The following LRRC4C variants were observed in gnomAD, a reference collection of about 807,000 sequenced individuals.
The protein encoded by LRRC4C is leucine rich repeat containing 4C, also known as leucine-rich repeat-containing protein 4C.
LRRC4C carries 5 observed loss-of-function variants against 33.6 expected under a neutral mutation model. That is an observed-to-expected ratio of 0.15 (90% CI 0.08 to 0.31). The LOEUF is 0.31. Ranked by LOEUF, LRRC4C falls within the 10% of genes least tolerant of loss-of-function variation. LRRC4C has a pLI of 1.00. For synonymous variants in LRRC4C, 329 were observed against 302.0 expected (o/e 1.09, Z -0.93); for missense variants, 560 against 796.7 (o/e 0.70, Z 3.58).
intron 5 of LRRC4C, among the ~76,000 whole-genome samples, chr11:40,161,278 G>A (rs925773676): frequency 6.6e-6 from 1 of 152,108 alleles, no homozygotes; most frequent in African/African-American, 2.4e-5. Context: ...TTTACATTTT[G>A]TTAATGATTG....
intron 2 of LRRC4C, among the ~76,000 whole-genome samples, chr11:40,656,583 C>A (rs1177697495): frequency 6.6e-6 from 1 of 151,852 alleles, no homozygotes; most frequent in Non-Finnish European, 1.5e-5. Flanking sequence ...TTGTTTAAGG[C>A]CTTCACGCTC....
At chr11:41,218,139 CAAAA>C (rs57736277) in intron 1 of LRRC4C, among the ~76,000 whole-genome samples, 1 of 142,724 alleles carries the variant, frequency 7.0e-6, no homozygotes. Flanking sequence ...TCAAGGTCAC[CAAAA>C]AAAAAAAAAA....
At chr11:41,413,829 T>G (rs12288546) in intron 1 of LRRC4C, among the ~76,000 whole-genome samples, 12,001 of 152,230 alleles carry the variant, frequency 0.079, 1,563 homozygotes, top group African/African-American at 0.27. Context: ...AAACAATGTT[T>G]TTTGACAACT....
At chr11:40,212,925 G>A (rs1441873746) in intron 5 of LRRC4C, among the ~76,000 whole-genome samples, 6 of 152,060 alleles carry the variant, frequency 3.9e-5, no homozygotes, top group Non-Finnish European at 5.9e-5. Flanking sequence ...TGGCTGAGTT[G>A]GAAATTCTGC....
intron 3 of LRRC4C, among the ~76,000 whole-genome samples, chr11:40,528,294 A>T (rs1956137083): frequency 6.6e-6 from 1 of 152,172 alleles, no homozygotes; most frequent in South Asian, 2.1e-4. Context: ...AGCAGTTAAC[A>T]TCTAAAATAT....
intron 2 of LRRC4C, among the ~76,000 whole-genome samples, chr11:40,791,994 A>C (rs1950641420): frequency 6.6e-6 from 1 of 151,982 alleles, no homozygotes; most frequent in African/African-American, 2.4e-5. Context: ...ATTGAACTAA[A>C]AAAAAAAAGT....
chr11:40,202,182 C>T (rs1317667988), intron 5 of LRRC4C, among the ~76,000 whole-genome samples: 1 of 118,172 alleles, frequency 8.5e-6, no homozygotes, highest in African/African-American at 3.4e-5. Flanking sequence ...AGCATAGGGA[C>T]AGGCTTCCTC....
At chr11:40,671,731 T>A (rs1480705401) in intron 2 of LRRC4C, among the ~76,000 whole-genome samples, 1 of 151,334 alleles carries the variant, frequency 6.6e-6, no homozygotes, top group East Asian at 1.9e-4. Context: ...TAGTAATATA[T>A]AATTATCTCA....
chr11:41,130,365 T>C (rs1942956048), intron 1 of LRRC4C, among the ~76,000 whole-genome samples: 1 of 151,962 alleles, frequency 6.6e-6, no homozygotes, highest in South Asian at 2.1e-4. Context: ...TCTTCTTTCT[T>C]CTAGTCTATT....
At chr11:40,307,746 T>C (rs1023285008) in intron 4 of LRRC4C, among the ~76,000 whole-genome samples, 3 of 152,298 alleles carry the variant, frequency 2.0e-5, no homozygotes, top group African/African-American at 7.2e-5. Flanking sequence ...AAATTTTATT[T>C]AGGACACAAA....
intron 1 of LRRC4C, among the ~76,000 whole-genome samples, chr11:41,251,549 G>A (rs1294215510): frequency 6.6e-6 from 1 of 152,168 alleles, no homozygotes; most frequent in Non-Finnish European, 1.5e-5. Flanking sequence ...CAGCTTAATA[G>A]AAGTATTTTT....
chr11:40,449,341 G>C (rs1367167449), intron 3 of LRRC4C, among the ~76,000 whole-genome samples: 1 of 107,550 alleles, frequency 9.3e-6, no homozygotes, highest in South Asian at 3.6e-4. Context: ...CAAAACAAAA[G>C]AAGCAAAAAA....
chr11:40,127,530 A>T (rs1267798896), intron 6 of LRRC4C, among the ~76,000 whole-genome samples: 1 of 152,176 alleles, frequency 6.6e-6, no homozygotes, highest in Non-Finnish European at 1.5e-5. Context: ...TTAATAAAAA[A>T]AAACTTAGAA....
chr11:41,436,203 G>GA (rs1260833604), intron 1 of LRRC4C, among the ~76,000 whole-genome samples: 4 of 152,038 alleles, frequency 2.6e-5, no homozygotes, highest in South Asian at 2.1e-4. Context: ...GACTGTCTCC[G>GA]AAAAAAACAT....
intron 1 of LRRC4C, among the ~76,000 whole-genome samples, chr11:41,351,746 T>A (rs904610378): frequency 1.3e-5 from 2 of 152,142 alleles, no homozygotes; most frequent in African/African-American, 4.8e-5. Context: ...AAATAAATTT[T>A]AAAAAACACA....
chr11:40,280,009 G>A (rs1217693723), intron 4 of LRRC4C, among the ~76,000 whole-genome samples: 1 of 152,058 alleles, frequency 6.6e-6, no homozygotes, highest in Non-Finnish European at 1.5e-5. Flanking sequence ...TCTTTCAGGT[G>A]AGTATCTGTG....
At chr11:40,385,353 G>C (rs987396326) in intron 3 of LRRC4C, among the ~76,000 whole-genome samples, 3 of 152,182 alleles carry the variant, frequency 2.0e-5, no homozygotes, top group Admixed American at 2.0e-4. Context: ...GCTTAGCAGA[G>C]AACTCTCATT....
chr11:40,673,748 C>G (rs563392473), intron 2 of LRRC4C, among the ~76,000 whole-genome samples: 1 of 152,272 alleles, frequency 6.6e-6, no homozygotes, highest in Admixed American at 6.5e-5. Flanking sequence ...GTTACTTCAC[C>G]TCTTTCCTCC....
intron 5 of LRRC4C, among the ~76,000 whole-genome samples, chr11:40,184,163 G>T (rs1258560330): frequency 6.6e-6 from 1 of 152,154 alleles, no homozygotes; most frequent in African/African-American, 2.4e-5. Context: ...CCACTCAAAG[G>T]TGTTCTGAAT....
Sources: allele counts gnomAD v4.1 joint callset (sites outside exome capture counted in the v4.1 genomes callset), GRCh38; gene constraint gnomAD v4.1.1; transcripts MANE v1.5; gene names NCBI Gene and HGNC (gene_info 2026-07-23, HGNC 2026-07-21).